DGKB: variants seen among roughly 807,000 people sequenced by gnomAD.
The protein encoded by DGKB is 90 kDa diacylglycerol kinase.
In DGKB, 67 loss-of-function variants were observed where a neutral mutation model predicts 114.3. The observed-to-expected ratio is 0.59, with a 90% CI of 0.48 to 0.72. The LOEUF (loss-of-function observed/expected upper bound fraction) is 0.72, where lower values mean the gene tolerates loss of function less well. DGKB is among the 30% of genes least tolerant of loss of function. The pLI, the probability that DGKB is intolerant of heterozygous loss-of-function variation, is 0.00. For missense variants in DGKB, 907 were observed against 975.2 expected (o/e 0.93, Z 0.93); for synonymous variants, 398 against 323.1 (o/e 1.23, Z -2.49).
At chr7:14,688,660 G>A (rs1234244863) in intron 9 of DGKB, among the ~76,000 whole-genome samples, 1 of 152,172 alleles carries the variant, frequency 6.6e-6, no homozygotes, top group Non-Finnish European at 1.5e-5. Flanking sequence ...ACAGATAAAT[G>A]CTTAATGAAT....
At chr7:14,677,225 C>T (rs963585544) in intron 12 of DGKB, among the ~76,000 whole-genome samples, 3 of 151,616 alleles carry the variant, frequency 2.0e-5, no homozygotes, top group African/African-American at 7.3e-5. Context: ...CTGCGCTGGT[C>T]AGAGAAGAAA....
At chr7:14,570,475 C>T (rs1333174796) in intron 20 of DGKB, among the ~76,000 whole-genome samples, 2 of 152,050 alleles carry the variant, frequency 1.3e-5, no homozygotes, top group African/African-American at 4.8e-5. Flanking sequence ...CATTTGACTA[C>T]CCAGAAACTT....
At chr7:14,905,309 C>T (rs1587353036), upstream of DGKB, among the ~76,000 whole-genome samples, 2 of 148,518 alleles carry the variant, frequency 1.3e-5, no homozygotes, top group South Asian at 4.3e-4. Flanking sequence ...AAAAACCACT[C>T]TCTTAAAACT....
At chr7:14,385,662 A>G (rs1013570371) in intron 21 of DGKB, among the ~76,000 whole-genome samples, 1 of 152,226 alleles carries the variant, frequency 6.6e-6, no homozygotes, top group East Asian at 1.9e-4. Flanking sequence ...AATTAATGTG[A>G]TCAAATGCAT....
In DGKB at chr7:14,148,770, G is replaced by C. The variant is rs940168123; in HGVS notation, c.*361C>G. 6.6e-6 allele frequency: 2 copies of C among 305,150 alleles called. No individual in the cohort carries two copies. Among genetic ancestry groups the C allele is most frequent in the Non-Finnish European group, 1.2e-5 (2 of 161,588 alleles). 18.9% of individuals were successfully genotyped at this position (305,150 alleles called of 1,614,324 possible). ...TTCGTAATAATTGGAATCACACTGA[G>C]AATCACGTTTCCCATGGTATTTCCT... On this transcript the variant is annotated 3_prime_UTR_variant, in exon 26 of 26. Transcript: ENST00000402815.
At chr7:14,222,632 A>G (rs2128325615) in intron 23 of DGKB, among the ~76,000 whole-genome samples, 1 of 151,586 alleles carries the variant, frequency 6.6e-6, no homozygotes, top group Middle Eastern at 3.4e-3. Context: ...TAAATGTTAT[A>G]TAGATATTTA....
rs896278269 is a variant in DGKB at position 14,729,428 on chromosome 7, T to A, written c.322+6613A>T. ...CGAGCCATCATTTTGCTCACTGATG[T>A]ATCCCTAACAACTTGAACAGTAAAT... On this transcript the variant is annotated intron_variant, in intron 5 of 25. Transcript: ENST00000402815. Among the ~76,000 whole-genome samples the A allele has an allele frequency of 8.5e-5, 13 of 152,238 alleles. 1 individual carries two copies. The highest frequency in any genetic ancestry group is 8.5e-4 in the Admixed American group (13 of 15,282).
chr7:14,799,131 C>T lies in DGKB; in HGVS notation c.71-41400G>A, dbSNP rs377693264. 4.6e-5 allele frequency among the ~76,000 whole-genome samples: 7 copies of T among 152,234 alleles called. No individual in the cohort carries two copies. In the South Asian group the frequency reaches 6.2e-4, roughly 14 times the overall value. On this transcript the variant is annotated intron_variant, in intron 2 of 25. Transcript: ENST00000402815. ...CAGGTGGTTACTCCAATTGAAACAT[C>T]GGTACCAGATGTGGTTTTAATGCTT...
chr7:14,415,395 T>G (rs1180864076), intron 21 of DGKB, among the ~76,000 whole-genome samples: 1 of 149,674 alleles, frequency 6.7e-6, no homozygotes, highest in African/African-American at 2.4e-5. Context: ...GCATTAGGTA[T>G]ATCTCCTAAT....
chr7:14,669,501 C>G (rs1320699456), intron 13 of DGKB, among the ~76,000 whole-genome samples: 5 of 152,168 alleles, frequency 3.3e-5, no homozygotes, highest in Admixed American at 2.6e-4. Context: ...CTCTACTCAA[C>G]TGTCTCTTCA....
chr7:14,760,850 G>T (rs925404172), intron 2 of DGKB, among the ~76,000 whole-genome samples: 17 of 152,222 alleles, frequency 1.1e-4, no homozygotes, highest in South Asian at 6.2e-4. Flanking sequence ...GAAGGGGAAA[G>T]CTCATAAAAT....
rs571861103 is a variant in DGKB at position 14,653,954 on chromosome 7, A to G, written c.1134+18975T>C. 1.3e-4 allele frequency among the ~76,000 whole-genome samples: 19 copies of G among 151,946 alleles called. No individual in the cohort carries two copies. The South Asian group carries it at 4.0e-3, about 32-fold the overall frequency. ...CACTGAACAGAGAAAAGCTTAAAGC[A>G]TTTTCTACAAGAACTGGAATAGGAC... On this transcript the variant is annotated intron_variant, in intron 13 of 25. Transcript: ENST00000402815.
At chr7:14,311,503 C>A (rs6942926) in intron 23 of DGKB, among the ~76,000 whole-genome samples, 130 of 152,242 alleles carry the variant, frequency 8.5e-4, no homozygotes, top group African/African-American at 3.0e-3. Flanking sequence ...CCCACTGCAG[C>A]CTCCACCTCC....
intron 2 of DGKB, among the ~76,000 whole-genome samples, chr7:14,777,260 T>TG: frequency 6.6e-6 from 1 of 152,146 alleles, no homozygotes; most frequent in Non-Finnish European, 1.5e-5. Context: ...ACTTTGGACT[T>TG]GGACTTTTGA....
upstream of DGKB, among the ~76,000 whole-genome samples, chr7:14,906,054 T>A (rs1274245421): frequency 2.0e-5 from 3 of 152,102 alleles, no homozygotes; most frequent in Admixed American, 2.0e-4. Context: ...CAAAATGAAT[T>A]TTCTACTATA....
chr7:14,958,476 CCCCGT>C (rs1473915906), intron 1 of DGKB, among the ~76,000 whole-genome samples: 1 of 148,536 alleles, frequency 6.7e-6, no homozygotes, highest in African/African-American at 2.5e-5. Context: ...CACACACACA[CCCCGT>C]CCAGGAGATG....
Position 14,229,352 on chromosome 7 carries a change from A to C in DGKB, c.2123-51201T>G, listed in dbSNP as rs1584586771. 3.9e-5 allele frequency among the ~76,000 whole-genome samples: 6 copies of C among 152,124 alleles called. 1 individual carries two copies. Among genetic ancestry groups the C allele is most frequent in the Admixed American group, 3.9e-4 (6 of 15,256 alleles). On this transcript the variant is annotated intron_variant, in intron 23 of 25. Transcript: ENST00000402815. ...AAATATAGATGGTATAGTTTACTACAAACCTGTATAGCATGTTACTTTACT... is the reference window on the plus strand; with the variant it reads ...AAATATAGATGGTATAGTTTACTACCAACCTGTATAGCATGTTACTTTACT...
chr7:14,257,005 A>G (rs1374272457), intron 23 of DGKB, among the ~76,000 whole-genome samples: 1 of 152,108 alleles, frequency 6.6e-6, no homozygotes, highest in Admixed American at 6.6e-5. Context: ...ATCTCTAAAA[A>G]CAAACAAAAT....
At position 14,473,279 on chromosome 7, in the gene DGKB, T is replaced by C. The variant is rs114887116; in HGVS notation, c.1835+4882A>G. On this transcript the variant is annotated intron_variant, in intron 21 of 25. Coordinates refer to ENST00000402815, the MANE Select transcript of DGKB (RefSeq NM_001350709.2). ...CATCCATGGCTGAAAGGGGCCAACA[T>C]AGAGCTCAAACCATAGCTTCAGAGG... Among the ~76,000 whole-genome samples the C allele has an allele frequency of 4.9e-3, 753 of 152,262 alleles. 4 individuals are homozygous for C. Among genetic ancestry groups the C allele is most frequent in the African/African-American group, 0.012 (510 of 41,542 alleles).
Sources: gnomAD v4.1 joint callset for allele counts (sites outside exome capture counted in the v4.1 genomes callset) on GRCh38, gnomAD v4.1.1 for gene constraint, MANE v1.5 for transcripts, NCBI Gene and HGNC (gene_info 2026-07-23, HGNC 2026-07-21) for gene names.